The following UNKL variants were observed in gnomAD, a reference collection of about 807,000 sequenced individuals.
UNKL encodes putative E3 ubiquitin-protein ligase UNKL.
A neutral mutation model predicts 78.0 loss-of-function variants in UNKL; 60 were observed. The ratio of observed to expected loss-of-function variants is 0.77; its 90% CI spans 0.63 to 0.95. The LOEUF (loss-of-function observed/expected upper bound fraction) is 0.95, where lower values mean the gene tolerates loss of function less well. UNKL is among the 40% of genes least tolerant of loss of function. The probability of loss-of-function intolerance (pLI) is 0.00; values close to 1 mark genes in which losing one functional copy is unlikely to be tolerated. For missense variants in UNKL, 1,159 were observed against 1,045.7 expected (o/e 1.11, Z -1.49); for synonymous variants, 608 against 474.8 (o/e 1.28, Z -3.65).
At chr16:1,394,367 G>T in intron 6 of UNKL, 152 bp from the exon 7 acceptor site, 1 of 896,528 alleles carries the variant, frequency 1.1e-6, no homozygotes, top group Non-Finnish European at 1.8e-6. Context: ...TCCTCCACGT[G>T]TGCCCTTGGT....
At position 1,363,341 on chromosome 16, in the gene UNKL, T is replaced by G. The variant is rs1411212739; in HGVS notation, c.*2899A>C. 4 of 498,908 alleles carry G rather than the reference T, an allele frequency of 8.0e-6. No homozygotes were observed. The highest frequency in any genetic ancestry group is 5.8e-5 in the African/African-American group (3 of 51,602). The allele number at this position is 498,908 out of a possible 1,614,324, so 30.9% of individuals were successfully genotyped here. A position where few individuals can be genotyped will look rare whatever the true frequency, so the allele number is the denominator to read the frequency against. On this transcript the variant is annotated 3_prime_UTR_variant, in exon 15 of 15. Coordinates refer to ENST00000389221, the MANE Select transcript of UNKL (RefSeq NM_001372107.1). ...AAACAGTTCGCTACAAGTAAATGAT[T>G]ATAAATACTACCTTCTGGGTTAAGA...
chr16:1,403,398 C>T lies in UNKL; in HGVS notation c.288-54G>A. 6.4e-7 allele frequency: 1 copy of T among 1,552,256 alleles called. No homozygotes were observed. Among genetic ancestry groups the T allele is most frequent in the East Asian group, 2.3e-5 (1 of 43,098 alleles). On this transcript the variant is annotated intron_variant, in intron 2 of 14. Coordinates refer to ENST00000389221, the MANE Select transcript of UNKL (RefSeq NM_001372107.1). The surrounding 1 kb of genome is among the most constrained non-coding windows in gnomAD (Gnocchi z 4.8). ...GGTTATCATGGACCCAGAGGCAGCC[C>T]TAAGCTCCCTGGGTCCACGCCCTGT... is the stretch of plus-strand genomic sequence containing the variant.
At chr16:1,405,051 C>T (rs367577860) in intron 2 of UNKL, among the ~76,000 whole-genome samples, 1 of 151,902 alleles carries the variant, frequency 6.6e-6, no homozygotes. Flanking sequence ...AAAATTAGCC[C>T]GGCGTGGTGG....
intron 10 of UNKL, among the ~76,000 whole-genome samples, chr16:1,377,222 A>G (rs945722737): frequency 1.3e-4 from 20 of 152,276 alleles, no homozygotes; most frequent in African/African-American, 3.4e-4. Flanking sequence ...GGTTTTCTCT[A>G]TGTTGGTCAG....
chr16:1,404,579 C>T (rs961048597), intron 2 of UNKL, among the ~76,000 whole-genome samples: 2 of 152,186 alleles, frequency 1.3e-5, no homozygotes, highest in South Asian at 2.1e-4. Flanking sequence ...CAAATTACAA[C>T]GCTACCTTGG....
At chr16:1,372,404 A>G (rs910093103) in intron 10 of UNKL, among the ~76,000 whole-genome samples, 1 of 152,178 alleles carries the variant, frequency 6.6e-6, no homozygotes, top group African/African-American at 2.4e-5. Context: ...CCCGCCTCAG[A>G]GTGGCCTCAC....
At chr16:1,406,203 C>T (rs532330942) in intron 2 of UNKL, 186 of 334,966 alleles carry the variant, frequency 5.6e-4, no homozygotes, top group African/African-American at 3.7e-3. Context: ...ACTCCCATGC[C>T]GGGCTATATT....
Position 1,371,540 on chromosome 16 carries a change from C to T in UNKL, c.1336G>A (p.Gly446Ser), listed in dbSNP as rs181627566. Reference protein sequence around the residue: ...SLEKDLEEQDGHDLGAAGPRS... With the variant: ...SLEKDLEEQDSHDLGAAGPRS... ...TCACCTGCTGCTCCCAGGTCGTGGC[C>T]GTCTTGCTCTTCCAGGTCCTTCTCT... The change falls in exon 11 of 15, where the codon GGC (glycine) becomes AGC (serine). Residue 446 changes from glycine (G) to serine (S), a missense_variant. Gly to Ser is a moderately conservative substitution (Grantham distance 56, BLOSUM62 0). Coordinates refer to ENST00000389221, the MANE Select transcript of UNKL (RefSeq NM_001372107.1). 4.0e-5 allele frequency: 61 copies of T among 1,536,194 alleles called. No individual in the cohort carries two copies. In the South Asian group the frequency reaches 4.8e-4, roughly 12 times the overall value.
At chr16:1,410,234 C>A (rs2037974883) in intron 2 of UNKL, among the ~76,000 whole-genome samples, 1 of 151,434 alleles carries the variant, frequency 6.6e-6, no homozygotes, top group Non-Finnish European at 1.5e-5. Context: ...CCACTGCACT[C>A]CAGCCTGGGT....
intron 9 of UNKL, among the ~76,000 whole-genome samples, chr16:1,388,573 G>A (rs1044372713): frequency 2.6e-5 from 4 of 152,096 alleles, no homozygotes; most frequent in Non-Finnish European, 4.4e-5. Flanking sequence ...CAGCCCAAAC[G>A]ATCACCTGAA....
chr16:1,399,418 G>A lies in UNKL; in HGVS notation c.690C>T (p.His230=). ...CRQGYACPHY[H]NSRDRRRNPR... is the part of the protein sequence containing the mutation. ...GGTTGCGCCGCCTGTCCCGGCTATT[G>A]TGGTAGTGTGGGCACGCATAGCCCT... The change falls in exon 5 of 15, where the codon CAC becomes CAT. Residue 230 remains histidine (H), a synonymous_variant. Coordinates refer to ENST00000389221, the MANE Select transcript of UNKL (RefSeq NM_001372107.1). This position sits in a 1 kb window ranked among gnomAD's most constrained non-coding sequence, Gnocchi z 5.8. 1 of 1,606,346 alleles carries A rather than the reference G, an allele frequency of 6.2e-7. No homozygotes were observed. Among genetic ancestry groups the A allele is most frequent in the East Asian group, 2.2e-5 (1 of 44,594 alleles).
chr16:1,397,948 A>T (rs1315963076), intron 5 of UNKL, among the ~76,000 whole-genome samples: 1 of 152,224 alleles, frequency 6.6e-6, no homozygotes, highest in Non-Finnish European at 1.5e-5. Flanking sequence ...CTCTGCGCTC[A>T]CGGACACGCA....
intron 5 of UNKL, chr16:1,398,395 G>C: frequency 9.7e-7 from 1 of 1,025,688 alleles, no homozygotes; most frequent in African/African-American, 1.7e-5. Flanking sequence ...TTCTTTCCAT[G>C]ACGGGCGATG....
chr16:1,396,984 C>G (rs2037293892), intron 6 of UNKL, 194 bp downstream of exon 6: 4 of 588,370 alleles, frequency 6.8e-6, no homozygotes, highest in South Asian at 2.0e-5. Context: ...TGGCTGAGGG[C>G]AGCCCGAAGG....
rs868566835 is a variant in UNKL at position 1,397,525 on chromosome 16, C to T, written c.735-230G>A. On this transcript the variant is annotated intron_variant, in intron 5 of 14. Coordinates refer to ENST00000389221, the MANE Select transcript of UNKL (RefSeq NM_001372107.1). ...GAGGACTTGGCTCCCCCACCCCGACCCCCGTGCTTCACGCTGGGGCAGGGC... is the reference window on the plus strand; with the variant it reads ...GAGGACTTGGCTCCCCCACCCCGACTCCCGTGCTTCACGCTGGGGCAGGGC... Among the ~76,000 whole-genome samples the T allele has an allele frequency of 1.2e-4, 6 of 48,834 alleles. 1 individual carries two copies. The highest frequency in any genetic ancestry group is 2.4e-4 in the Non-Finnish European group (6 of 24,610). 32.0% of individuals were successfully genotyped at this position (48,834 alleles called of 152,430 possible).
At position 1,387,875 on chromosome 16, in the gene UNKL, C is replaced by T. The variant is rs1361002611; in HGVS notation, c.1087-2490G>A. Among the ~76,000 whole-genome samples, 1 of 151,564 alleles carries T rather than the reference C, an allele frequency of 6.6e-6. No homozygotes were observed. Among genetic ancestry groups the T allele is most frequent in the Non-Finnish European group, 1.5e-5 (1 of 67,846 alleles). ...CTGCCCAGGTCCGTGCTCTGGGGCACGGTCCCTACACACAAGCTGCCCCTG... is the reference window on the plus strand; with the variant it reads ...CTGCCCAGGTCCGTGCTCTGGGGCATGGTCCCTACACACAAGCTGCCCCTG... On this transcript the variant is annotated intron_variant, in intron 9 of 14. Coordinates refer to ENST00000389221, the MANE Select transcript of UNKL (RefSeq NM_001372107.1). This position sits in a 1 kb window ranked among gnomAD's most constrained non-coding sequence, Gnocchi z 4.1.
chr16:1,381,135 C>A (rs1003324464), intron 10 of UNKL, among the ~76,000 whole-genome samples: 1 of 152,222 alleles, frequency 6.6e-6, no homozygotes, highest in Non-Finnish European at 1.5e-5. Flanking sequence ...GATGCAGCCA[C>A]GCCTCTGTCA....
chr16:1,398,358 G>A lies in UNKL; in HGVS notation c.734+1016C>T, dbSNP rs1446848902. ...GATTTGTATTTATGGGACACATTAA[G>A]TGCCTGTTGAAAAAATAATTTTTAT... On this transcript the variant is annotated intron_variant, in intron 5 of 14. Transcript: ENST00000389221. 4 of 1,024,222 alleles carry A rather than the reference G, an allele frequency of 3.9e-6. No homozygotes were observed. The Admixed American group carries it at 1.5e-4, about 39-fold the overall frequency. The allele number at this position is 1,024,222 out of a possible 1,614,324, so 63.4% of individuals were successfully genotyped here.
chr16:1,366,500 G>C lies in UNKL; in HGVS notation c.2047-105C>G, dbSNP rs977590476. ...CAGGACTCAGCATCTCAGGCCGCCCGGCCACCAGCTACAGAGACAGGGTCA... is the reference window on the plus strand; with the variant it reads ...CAGGACTCAGCATCTCAGGCCGCCCCGCCACCAGCTACAGAGACAGGGTCA... On this transcript the variant is annotated intron_variant, in intron 14 of 14. Transcript: ENST00000389221. The C allele has an allele frequency of 2.2e-6, 3 of 1,369,226 alleles. No homozygotes were observed. The African/African-American group carries it at 4.4e-5, about 20-fold the overall frequency. 84.8% of individuals were successfully genotyped at this position (1,369,226 alleles called of 1,614,324 possible). A position where few individuals can be genotyped will look rare whatever the true frequency, so the allele number is the denominator to read the frequency against.
Sources: gnomAD v4.1 joint callset for allele counts (sites outside exome capture counted in the v4.1 genomes callset) on GRCh38, gnomAD v4.1.1 for gene constraint, Gnocchi (gnomAD v3.1) non-coding constraint, MANE v1.5 for transcripts, NCBI Gene and HGNC (gene_info 2026-07-23, HGNC 2026-07-21) for gene names.